The following RALGAPA1 variants were observed in gnomAD, a reference collection of about 807,000 sequenced individuals.
RALGAPA1 encodes ral GTPase-activating protein subunit alpha-1.
A neutral mutation model predicts 269.6 loss-of-function variants in RALGAPA1; 52 were observed. The observed-to-expected ratio is 0.19, with a 90% CI of 0.15 to 0.24. The LOEUF (loss-of-function observed/expected upper bound fraction) is 0.24. RALGAPA1 is among the 10% of genes least tolerant of loss of function. RALGAPA1 has a pLI of 1.00. For missense variants in RALGAPA1, 1,917 were observed against 3,013.9 expected, an observed-to-expected ratio of 0.64 and a Z score of 8.52; for synonymous variants, 817 against 1,008.3, an observed-to-expected ratio of 0.81 and a Z score of 3.60.
At chr14:35,798,185 T>C (rs968309162) in intron 1 of RALGAPA1, among the ~76,000 whole-genome samples, 45 of 143,060 alleles carry the variant, frequency 3.1e-4, no homozygotes, top group East Asian at 1.3e-3. Context: ...TTTTTTTTTT[T>C]CCCTAAAACC....
intron 16 of RALGAPA1, among the ~76,000 whole-genome samples, chr14:35,708,654 T>C (rs1461185400): frequency 6.6e-6 from 1 of 152,156 alleles, no homozygotes; most frequent in Non-Finnish European, 1.5e-5. Flanking sequence ...TTGGTAAGAA[T>C]GTAAGTTAGT....
chr14:35,690,020 A>C lies in RALGAPA1; in HGVS notation c.2408-17T>G. 2.0e-6 allele frequency: 3 copies of C among 1,500,390 alleles called. No individual in the cohort carries two copies. The highest frequency in any genetic ancestry group is 2.7e-6 in the Non-Finnish European group (3 of 1,116,340). 92.9% of individuals were successfully genotyped at this position (1,500,390 alleles called of 1,614,324 possible). ...CATCAATATCTGTAAAAGAAAAAAA[A>C]ATTATGTAGAGAAGAACTACACAAA... On this transcript the variant is annotated splice_polypyrimidine_tract_variant and intron_variant, in intron 17 of 41. Transcript: ENST00000680220.
rs2059551638 is a variant in RALGAPA1 at position 35,605,632 on chromosome 14, C to T, written c.7007G>A (p.Gly2336Glu). The T allele has an allele frequency of 2.5e-6, 4 of 1,610,328 alleles. No homozygotes were observed. Among genetic ancestry groups the T allele is most frequent in the Non-Finnish European group, 3.4e-6 (4 of 1,178,802 alleles). Residue 2336 changes from glycine (G) to glutamate (E), a missense_variant, in exon 36 of 42, where the codon GGA (glycine) becomes GAA (glutamate). Physicochemically the swap from Gly to Glu is moderately conservative, Grantham distance 98. Coordinates refer to ENST00000680220, the MANE Select transcript of RALGAPA1 (RefSeq NM_001346249.2). The part of the protein sequence containing the change: ...EDKHSILTNT[G>E]GSQAYEDFVA... ...AAAATCTTCATATGCTTGACTTCCTCCTGTATTGGTGAGAATGGAGTGTTT... is the reference window on the plus strand; with the variant it reads ...AAAATCTTCATATGCTTGACTTCCTTCTGTATTGGTGAGAATGGAGTGTTT...
At chr14:35,582,553 A>T (rs1286416810) in intron 37 of RALGAPA1, among the ~76,000 whole-genome samples, 2 of 152,120 alleles carry the variant, frequency 1.3e-5, no homozygotes, top group Non-Finnish European at 2.9e-5. Context: ...CCTGAACTAA[A>T]ATTGAACTGC....
At chr14:35,750,364 T>C (rs2072562366) in intron 9 of RALGAPA1, 118 bp downstream of exon 9, 7 of 549,352 alleles carry the variant, frequency 1.3e-5, no homozygotes, top group East Asian at 9.3e-5. Context: ...AATATATTTA[T>C]ACAAATAAAA....
At chr14:35,766,055 T>C (rs1417872112) in intron 4 of RALGAPA1, 1 of 1,343,096 alleles carries the variant, frequency 7.4e-7, no homozygotes, top group Non-Finnish European at 1.1e-6. Flanking sequence ...GAAGCTCAGG[T>C]GGGAGTGCAG....
At chr14:35,770,317 A>G (rs1185885897) in intron 4 of RALGAPA1, among the ~76,000 whole-genome samples, 1 of 152,200 alleles carries the variant, frequency 6.6e-6, no homozygotes, top group African/African-American at 2.4e-5. Flanking sequence ...ATCACATATA[A>G]TGGTGAAGAC....
At chr14:35,727,780 A>T (rs1267297919) in intron 13 of RALGAPA1, among the ~76,000 whole-genome samples, 2 of 152,312 alleles carry the variant, frequency 1.3e-5, no homozygotes, top group East Asian at 1.9e-4. Context: ...TTAAGTAAGG[A>T]TATGTAGAAA....
chr14:35,572,865 CA>C, intron 37 of RALGAPA1, 147 bp from the exon 38 acceptor site: 1 of 474,292 alleles, frequency 2.1e-6, no homozygotes, highest in Non-Finnish European at 3.6e-6. Flanking sequence ...CACAAACACT[CA>C]AAAACATCAG....
In RALGAPA1 at chr14:35,572,581, A is replaced by T. The variant is rs1212003578; in HGVS notation, c.7347T>A (p.Ile2449=). 6.2e-7 allele frequency: 1 copy of T among 1,602,042 alleles called. No individual in the cohort carries two copies. Among genetic ancestry groups the T allele is most frequent in the Admixed American group, 1.7e-5 (1 of 58,046 alleles). The change falls in exon 38 of 42, where the codon ATT becomes ATA. Residue 2449 remains isoleucine, a synonymous_variant. Transcript: ENST00000680220. ...IYPMKNHMFS[I]QIMKKPEVPF... is the part of the protein sequence containing the mutation. The stretch of plus-strand genomic sequence containing the variant: ...TTACCTCTGGTTTTTTCATTATCTG[A>T]ATACTGAACATGTGATTTTTCATTG...
chr14:35,556,333 C>T (rs1399426047), intron 39 of RALGAPA1, among the ~76,000 whole-genome samples: 3 of 152,060 alleles, frequency 2.0e-5, no homozygotes, highest in Admixed American at 6.6e-5. Flanking sequence ...AAGATGAAAG[C>T]AAACTATACT....
intron 1 of RALGAPA1, among the ~76,000 whole-genome samples, chr14:35,782,997 A>AT (rs1032207280): frequency 4.0e-5 from 6 of 151,560 alleles, no homozygotes; most frequent in East Asian, 2.0e-4. Context: ...CATTTTTTAA[A>AT]TTTTTTGTAG....
chr14:35,752,971 T>C (rs991638257), intron 7 of RALGAPA1, among the ~76,000 whole-genome samples: 3 of 152,178 alleles, frequency 2.0e-5, no homozygotes, highest in African/African-American at 7.2e-5. Flanking sequence ...AAAATGGGTA[T>C]GAATTAACAT....
chr14:35,742,446 G>T lies in RALGAPA1; in HGVS notation c.1371C>A (p.Ile457=), dbSNP rs139255349. ...CAATGCAAGGGAGGTCTGAAGAAGT[G>T]ATCACAATTTCTTCAGGCTCTTGCA... ...LFMQEPEEIV[I]TSSDLPCIEN... is the part of the protein sequence containing the mutation. The change falls in exon 11 of 42, where the codon ATC becomes ATA. Residue 457 remains isoleucine, a synonymous_variant. Coordinates refer to ENST00000680220, the MANE Select transcript of RALGAPA1 (RefSeq NM_001346249.2). The T allele has an allele frequency of 7.8e-4, 1,247 of 1,602,744 alleles. 3 individuals are homozygous for T. The highest frequency in any genetic ancestry group is 9.8e-4 in the Non-Finnish European group (1,148 of 1,170,860).
At chr14:35,742,630 T>A in intron 10 of RALGAPA1, 65 bp from the exon 11 acceptor site, 1 of 1,148,064 alleles carries the variant, frequency 8.7e-7, no homozygotes, top group Non-Finnish European at 1.3e-6. Flanking sequence ...ACTAACGCAG[T>A]AATGTTTTTC....
chr14:35,778,122 A>G (rs989463138), intron 1 of RALGAPA1, among the ~76,000 whole-genome samples: 12 of 152,104 alleles, frequency 7.9e-5, no homozygotes, highest in African/African-American at 2.9e-4. Flanking sequence ...GTGCTGTGGC[A>G]TGATTACAAC....
intron 16 of RALGAPA1, among the ~76,000 whole-genome samples, chr14:35,702,734 T>A (rs988728980): frequency 2.0e-5 from 3 of 147,886 alleles, no homozygotes; most frequent in African/African-American, 7.4e-5. Context: ...AAAATATATA[T>A]ATATATACAT....
intron 27 of RALGAPA1, among the ~76,000 whole-genome samples, chr14:35,664,354 G>C (rs914629173): frequency 6.6e-6 from 1 of 152,168 alleles, no homozygotes; most frequent in African/African-American, 2.4e-5. Flanking sequence ...TAGTAGCATA[G>C]TATCTGGCTC....
At chr14:35,638,881 G>A (rs1164418011) in intron 31 of RALGAPA1, among the ~76,000 whole-genome samples, 1 of 151,956 alleles carries the variant, frequency 6.6e-6, no homozygotes, top group Admixed American at 6.6e-5. Flanking sequence ...AGCTGAGATT[G>A]CGCCGCTGCA....
Sources: gnomAD v4.1 joint callset for allele counts (sites outside exome capture counted in the v4.1 genomes callset) on GRCh38, gnomAD v4.1.1 for gene constraint, MANE v1.5 for transcripts, NCBI Gene and HGNC (gene_info 2026-07-23, HGNC 2026-07-21) for gene names.